RCOR3: variants seen among roughly 807,000 people sequenced by gnomAD.
The protein encoded by RCOR3 is REST corepressor 3.
RCOR3 carries 13 observed loss-of-function variants against 64.1 expected under a neutral mutation model. The observed-to-expected ratio is 0.20, with a 90% confidence interval of 0.13 to 0.32. The LOEUF is 0.32. Among genes scored for constraint, RCOR3 ranks in the 10% least tolerant of loss-of-function variants. The pLI is 1.00. For synonymous variants in RCOR3, 215 were observed against 239.0 expected, an observed-to-expected ratio of 0.90 and a Z score of 0.93; for missense variants, 489 against 701.2, an observed-to-expected ratio of 0.70 and a Z score of 3.42.
intron 9 of RCOR3, chr1:211,303,337 C>G (rs1343842537): frequency 6.6e-6 from 1 of 152,100 alleles, no homozygotes; most frequent in Non-Finnish European, 1.5e-5. Flanking sequence ...ATTGCTAAGA[C>G]CATAAGTGAG....
chr1:211,277,598 A>G (rs1474476990), intron 5 of RCOR3, among the ~76,000 whole-genome samples: 2 of 152,224 alleles, frequency 1.3e-5, no homozygotes, highest in African/African-American at 4.8e-5. Context: ...CCTTTATGTA[A>G]AATGTCCAGA....
intron 7 of RCOR3, among the ~76,000 whole-genome samples, chr1:211,283,650 GTTTTGTTTT>G (rs1698124485): frequency 6.6e-6 from 1 of 152,016 alleles, no homozygotes. Context: ...GGAGGTTTTT[GTTTTGTTTT>G]TTTAGAGACA....
chr1:211,295,582 AGGGGTTTG>A, intron 8 of RCOR3, 86 bp from the exon 9 acceptor site: 1 of 996,430 alleles, frequency 1.0e-6, no homozygotes, highest in Non-Finnish European at 1.6e-6. Context: ...AAAATTTAAG[AGGGGTTTG>A]GAATATATTC....
At chr1:211,295,805 C>A in intron 9 of RCOR3, 52 bp downstream of exon 9, 1 of 1,451,146 alleles carries the variant, frequency 6.9e-7, no homozygotes, top group Non-Finnish European at 9.7e-7. Context: ...CTTGTTTTTT[C>A]AGTTATCTAG....
At chr1:211,274,112 A>C in intron 3 of RCOR3, 98 bp from the exon 4 acceptor site, 1 of 734,132 alleles carries the variant, frequency 1.4e-6, no homozygotes, top group Non-Finnish European at 2.2e-6. Context: ...TTACCCTGGA[A>C]TATAAATTGT....
intron 2 of RCOR3, among the ~76,000 whole-genome samples, chr1:211,268,369 C>CT (rs756643084): frequency 0.011 from 860 of 79,346 alleles, 35 homozygotes; most frequent in Middle Eastern, 0.023. Flanking sequence ...TCTTTTCTTT[C>CT]TTTTTTTTTT....
chr1:211,311,820 TAAG>T (rs1241142003), intron 10 of RCOR3, among the ~76,000 whole-genome samples: 1 of 152,172 alleles, frequency 6.6e-6, no homozygotes, highest in Non-Finnish European at 1.5e-5. Flanking sequence ...AGAATTCCCT[TAAG>T]AGGAAATTAT....
chr1:211,276,073 ATT>A (rs1241006261), intron 4 of RCOR3, among the ~76,000 whole-genome samples, 182 bp from the exon 5 acceptor site: 2 of 152,194 alleles, frequency 1.3e-5, no homozygotes, highest in Non-Finnish European at 2.9e-5. Context: ...TGAGGCCCTG[ATT>A]TAAAAGAAAT....
chr1:211,290,582 T>A (rs1212354283), intron 8 of RCOR3, among the ~76,000 whole-genome samples: 1 of 152,200 alleles, frequency 6.6e-6, no homozygotes, highest in African/African-American at 2.4e-5. Context: ...CTTGCTATGT[T>A]ACCCAGGCTT....
chr1:211,273,028 A>AT (rs1310394611), intron 3 of RCOR3, among the ~76,000 whole-genome samples: 1 of 152,214 alleles, frequency 6.6e-6, no homozygotes, highest in Non-Finnish European at 1.5e-5. Flanking sequence ...CCTGTCATGT[A>AT]TTTAAGTGCT....
rs148639738 is a variant in RCOR3 at position 211,308,542 on chromosome 1, T to A, written c.1076-4178T>A. On this transcript the variant is annotated intron_variant, in intron 10 of 11. Coordinates refer to ENST00000419091, the MANE Select transcript of RCOR3 (RefSeq NM_001136223.3). ...AAAATATATTTTTGAAAAATTAATG[T>A]TTCCCAGTTAAACTAAGTACATGTT... 2.7e-3 allele frequency among the ~76,000 whole-genome samples: 406 copies of A among 152,202 alleles called. 3 individuals are homozygous for A. The highest frequency in any genetic ancestry group is 9.1e-3 in the African/African-American group (379 of 41,534).
intron 5 of RCOR3, among the ~76,000 whole-genome samples, chr1:211,277,081 G>A (rs1314665304): frequency 6.8e-6 from 1 of 146,138 alleles, no homozygotes; most frequent in African/African-American, 2.5e-5. Context: ...GCGAGACTCT[G>A]TCTCAAAAAA....
At chr1:211,284,359 C>G (rs1362870606) in intron 7 of RCOR3, among the ~76,000 whole-genome samples, 3 of 151,764 alleles carry the variant, frequency 2.0e-5, no homozygotes, top group Middle Eastern at 3.5e-3. Context: ...GGATTACAGG[C>G]GTGAGCCACT....
rs1233389282 is a variant in RCOR3 at position 211,313,033 on chromosome 1, T to C, written c.1317+72T>C. On this transcript the variant is annotated intron_variant, in intron 11 of 11. Transcript: ENST00000419091. This position sits in a 1 kb window ranked among gnomAD's most constrained non-coding sequence, Gnocchi z 4.7. Reference sequence around the variant, plus strand: ...CATTTTGTGTGGTATTCTGTAAGGTTAATTTGTCAAGAGGACTAGCTAAAT... The same window carrying C: ...CATTTTGTGTGGTATTCTGTAAGGTCAATTTGTCAAGAGGACTAGCTAAAT... The C allele has an allele frequency of 6.2e-7, 1 of 1,604,890 alleles. No individual in the cohort carries two copies. Among genetic ancestry groups the C allele is most frequent in the African/African-American group, 1.3e-5 (1 of 74,546 alleles).
At chr1:211,297,717 G>A (rs1045657696) in intron 9 of RCOR3, among the ~76,000 whole-genome samples, 1 of 152,096 alleles carries the variant, frequency 6.6e-6, no homozygotes, top group African/African-American at 2.4e-5. Context: ...TATATATGTT[G>A]TATCATCTAG....
intron 5 of RCOR3, among the ~76,000 whole-genome samples, chr1:211,277,457 T>C (rs1697177610): frequency 6.6e-6 from 1 of 152,210 alleles, no homozygotes; most frequent in African/African-American, 2.4e-5. Flanking sequence ...GTTTGCATTA[T>C]TTACCATTTT....
chr1:211,290,306 T>C (rs1334082144), intron 8 of RCOR3, among the ~76,000 whole-genome samples: 1 of 152,222 alleles, frequency 6.6e-6, no homozygotes, highest in African/African-American at 2.4e-5. Context: ...CAAAAGATTT[T>C]TTTCTCTGTT....
At chr1:211,307,490 A>AGAATTTAAAAAG (rs376699532) in intron 10 of RCOR3, among the ~76,000 whole-genome samples, 139,495 of 150,648 alleles carry the variant, frequency 0.93, 65,011 homozygotes, top group East Asian at 0.99. Flanking sequence ...CAAAAAAAAA[A>AGAATTTAAAAAG]GAATTTAAAA....
intron 2 of RCOR3, among the ~76,000 whole-genome samples, chr1:211,263,404 T>A (rs1190962258): frequency 2.7e-5 from 4 of 149,448 alleles, no homozygotes; most frequent in African/African-American, 4.9e-5. Context: ...TTACTTTTTT[T>A]AAAGTCATTG....
Sources: gnomAD v4.1 joint callset for allele counts (sites outside exome capture counted in the v4.1 genomes callset) on GRCh38, gnomAD v4.1.1 for gene constraint, Gnocchi (gnomAD v3.1) non-coding constraint, MANE v1.5 for transcripts, NCBI Gene and HGNC (gene_info 2026-07-23, HGNC 2026-07-21) for gene names.